The following INO80D variants were observed in gnomAD, a reference collection of about 807,000 sequenced individuals.
INO80D encodes INO80 complex subunit D.
A neutral mutation model predicts 87.6 loss-of-function variants in INO80D; 21 were observed. The observed-to-expected ratio is 0.24, with a 90% CI of 0.17 to 0.35. INO80D has a LOEUF of 0.35. Ranked by LOEUF, INO80D falls within the 10% of genes least tolerant of loss-of-function variation. The pLI, the probability that INO80D is intolerant of heterozygous loss-of-function variation, is 1.00. For missense variants in INO80D, 982 were observed against 1,280.7 expected (o/e 0.77, Z 3.56); for synonymous variants, 440 against 491.0 (o/e 0.90, Z 1.37).
At chr2:206,026,654 A>C (rs955482014) in intron 6 of INO80D, among the ~76,000 whole-genome samples, 4 of 149,364 alleles carry the variant, frequency 2.7e-5, no homozygotes, top group Admixed American at 6.7e-5. Flanking sequence ...TATATATTTT[A>C]TATATAACAG....
chr2:206,066,924 T>C (rs140076159), intron 1 of INO80D, among the ~76,000 whole-genome samples: 10 of 149,268 alleles, frequency 6.7e-5, no homozygotes, highest in African/African-American at 2.2e-4. Context: ...TTTTCACTCA[T>C]GTAGTCACAT....
chr2:206,052,947 T>G (rs1489445373), intron 4 of INO80D, among the ~76,000 whole-genome samples: 3 of 152,102 alleles, frequency 2.0e-5, no homozygotes, highest in East Asian at 3.8e-4. Context: ...TAATCTAAGA[T>G]ATGTAAATTT....
intron 1 of INO80D, among the ~76,000 whole-genome samples, chr2:206,077,860 T>A (rs780188937): frequency 6.6e-6 from 1 of 152,054 alleles, no homozygotes; most frequent in Non-Finnish European, 1.5e-5. Flanking sequence ...TTCTCTTTCT[T>A]GAAAATCTCT....
At chr2:206,060,333 G>A (rs1454626747) in intron 3 of INO80D, among the ~76,000 whole-genome samples, 2 of 152,062 alleles carry the variant, frequency 1.3e-5, no homozygotes, top group African/African-American at 2.4e-5. Context: ...AGGAGTTCGA[G>A]ACCAGCCTGG....
At chr2:206,080,718 T>C (rs1056689748) in intron 1 of INO80D, among the ~76,000 whole-genome samples, 36 of 151,706 alleles carry the variant, frequency 2.4e-4, no homozygotes, top group Admixed American at 9.2e-4. Flanking sequence ...CCATCCTGGC[T>C]AACACGGTGA....
chr2:206,032,747 T>C (rs1488756349), intron 5 of INO80D, among the ~76,000 whole-genome samples: 1 of 152,180 alleles, frequency 6.6e-6, no homozygotes, highest in Non-Finnish European at 1.5e-5. Flanking sequence ...AAAGATACAG[T>C]CGTTTTTCAG....
intron 3 of INO80D, 146 bp from the exon 4 acceptor site, chr2:206,057,089 C>G (rs543658256): frequency 9.9e-5 from 75 of 759,540 alleles, no homozygotes; most frequent in Non-Finnish European, 1.5e-4. Flanking sequence ...CAAACCTCTA[C>G]TACTTTCAAG....
rs755580055 is a variant in INO80D, at chr2:206,004,911, G to A, written c.2541C>T (p.His847=). The A allele has an allele frequency of 1.4e-5, 23 of 1,613,928 alleles. 1 individual carries two copies. Among genetic ancestry groups the A allele is most frequent in the Non-Finnish European group, 1.9e-5 (22 of 1,179,902 alleles). The change falls in exon 11 of 11, where the codon CAC becomes CAT. Residue 847 remains histidine (H), a synonymous_variant. Transcript: ENST00000403263. The surrounding 1 kb of genome is among the most constrained non-coding windows in gnomAD (Gnocchi z 4.9). Reference sequence around the variant, plus strand: ...TATTATCACCAGAGTACGATGTTGTGTGGGGAGAGGTGATATGGTCACTGT... The same window carrying A: ...TATTATCACCAGAGTACGATGTTGTATGGGGAGAGGTGATATGGTCACTGT... ...SPYSDHITSP[H]TTSYSGDNMA... is the part of the protein sequence containing the mutation.
rs560536034 is a variant in INO80D, at chr2:206,085,366, G to A, written c.-124+535C>T. On this transcript the variant is annotated intron_variant, in intron 1 of 10. Coordinates refer to ENST00000403263, the MANE Select transcript of INO80D (RefSeq NM_017759.5). This position sits in a 1 kb window ranked among gnomAD's most constrained non-coding sequence, Gnocchi z 4.5. The stretch of plus-strand genomic sequence containing the variant: ...AGAGACCCGGGGGAAGGGGAGCCGG[G>A]CGCCCATTCCCCACTCCCCACTCCT... Among the ~76,000 whole-genome samples, 77 of 151,964 alleles carry A rather than the reference G, an allele frequency of 5.1e-4. No homozygotes were observed. The highest frequency in any genetic ancestry group is 1.8e-3 in the African/African-American group (74 of 41,476).
At position 206,063,057 on chromosome 2, in the gene INO80D, C is replaced by A; in HGVS notation, c.-29-12G>T. The stretch of plus-strand genomic sequence containing the variant: ...CTTGTGAACATCAGCTAAAAGGCCA[C>A]CACAAAAAAAGAAACCCAAATGATA... On this transcript the variant is annotated splice_polypyrimidine_tract_variant and intron_variant, in intron 2 of 10. Coordinates refer to ENST00000403263, the MANE Select transcript of INO80D (RefSeq NM_017759.5). 7.1e-7 allele frequency: 1 copy of A among 1,416,856 alleles called. No homozygotes were observed. Among genetic ancestry groups the A allele is most frequent in the Admixed American group, 2.0e-5 (1 of 51,068 alleles). The allele number at this position is 1,416,856 out of a possible 1,614,324, so 87.8% of individuals were successfully genotyped here. A position where few individuals can be genotyped will look rare whatever the true frequency, so the allele number is the denominator to read the frequency against.
chr2:206,010,709 T>C (rs1688149206), intron 8 of INO80D, among the ~76,000 whole-genome samples: 2 of 152,186 alleles, frequency 1.3e-5, no homozygotes. Context: ...ACAGGTTTAA[T>C]CCTACTCAAA....
At chr2:206,066,584 T>C (rs1689820628) in intron 1 of INO80D, among the ~76,000 whole-genome samples, 1 of 150,636 alleles carries the variant, frequency 6.6e-6, no homozygotes, top group Non-Finnish European at 1.5e-5. Context: ...GGTAGGCAGA[T>C]TACCTGAGGT....
Position 206,000,974 on chromosome 2 carries a change from G to A in INO80D, c.*3394C>T, listed in dbSNP as rs962453090. ...TTTATAAAGCAGTTATATCACACATGGTAGGTCACCAGAGAAAATAATCCT... is the reference window on the plus strand; with the variant it reads ...TTTATAAAGCAGTTATATCACACATAGTAGGTCACCAGAGAAAATAATCCT... On this transcript the variant is annotated 3_prime_UTR_variant, in exon 11 of 11. Coordinates refer to ENST00000403263, the MANE Select transcript of INO80D (RefSeq NM_017759.5). 6.6e-6 allele frequency: 1 copy of A among 152,082 alleles called. No individual in the cohort carries two copies. Among genetic ancestry groups the A allele is most frequent in the African/African-American group, 2.4e-5 (1 of 41,414 alleles). The allele number at this position is 152,082 out of a possible 1,614,324, so 9.4% of individuals were successfully genotyped here.
Position 206,072,697 on chromosome 2 carries a change from C to T in INO80D, c.-123-9453G>A, listed in dbSNP as rs1690007210. The stretch of plus-strand genomic sequence containing the variant: ...AGAAGGAAGAATAGAGATCTCAGTA[C>T]TTGCTATCATTAACCACAAATATCT... On this transcript the variant is annotated intron_variant, in intron 1 of 10. Transcript: ENST00000403263. Among the ~76,000 whole-genome samples the T allele has an allele frequency of 2.6e-5, 4 of 152,278 alleles. No individual in the cohort carries two copies. In the South Asian group the frequency reaches 8.3e-4, roughly 32 times the overall value.
At chr2:206,069,925 C>G (rs1340350511) in intron 1 of INO80D, among the ~76,000 whole-genome samples, 1 of 152,132 alleles carries the variant, frequency 6.6e-6, no homozygotes, top group Non-Finnish European at 1.5e-5. Context: ...CCTCTCCTTT[C>G]TTTCCCCGAA....
chr2:206,033,113 C>T lies in INO80D; in HGVS notation c.1074-4778G>A, dbSNP rs1688810033. 2.0e-5 allele frequency among the ~76,000 whole-genome samples: 3 copies of T among 152,252 alleles called. No homozygotes were observed. In the South Asian group the frequency reaches 6.2e-4, roughly 32 times the overall value. ...GACTCACCTAACATATAAGGACTCA[C>T]ATAAACTTAAAGGCACAGAAAAAGG... On this transcript the variant is annotated intron_variant, in intron 5 of 10. Coordinates refer to ENST00000403263, the MANE Select transcript of INO80D (RefSeq NM_017759.5).
At chr2:206,057,674 G>A (rs779800854) in intron 3 of INO80D, among the ~76,000 whole-genome samples, 1 of 151,998 alleles carries the variant, frequency 6.6e-6, no homozygotes, top group Non-Finnish European at 1.5e-5. Context: ...TAAAATCAAA[G>A]CTCATGAAGA....
chr2:206,004,536 G>A lies in INO80D; in HGVS notation c.2916C>T (p.Leu972=). The A allele has an allele frequency of 3.7e-6, 6 of 1,611,192 alleles. No individual in the cohort carries two copies. Among genetic ancestry groups the A allele is most frequent in the Non-Finnish European group, 5.1e-6 (6 of 1,178,724 alleles). ...LMASTSPKQQ[L]PQFSAAFGHQ... ...GGCCAAAGGCTGCGCTGAACTGAGGGAGTTGCTGCTTGGGAGAGGTGGAGG... is the reference window on the plus strand; with the variant it reads ...GGCCAAAGGCTGCGCTGAACTGAGGAAGTTGCTGCTTGGGAGAGGTGGAGG... The change falls in exon 11 of 11, where the codon CTC becomes CTT. Residue 972 remains leucine, a synonymous_variant. Transcript: ENST00000403263. The surrounding 1 kb of genome is among the most constrained non-coding windows in gnomAD (Gnocchi z 4.9).
intron 6 of INO80D, chr2:206,025,640 T>C (rs910001593): frequency 1.3e-5 from 2 of 149,182 alleles, no homozygotes; most frequent in Admixed American, 6.7e-5. Flanking sequence ...CACAACCAGT[T>C]AGTTACAGAT....
Sources: allele counts gnomAD v4.1 joint callset (sites outside exome capture counted in the v4.1 genomes callset), GRCh38; gene constraint gnomAD v4.1.1; non-coding constraint Gnocchi (gnomAD v3.1); transcripts MANE v1.5; gene names NCBI Gene and HGNC (gene_info 2026-07-23, HGNC 2026-07-21).